The following ARHGEF7 variants were observed in gnomAD, a reference collection of about 807,000 sequenced individuals.
ARHGEF7 encodes Rho guanine nucleotide exchange factor 7.
In ARHGEF7, 33 loss-of-function variants were observed where a neutral mutation model predicts 109.8. That is an observed-to-expected ratio of 0.30 (90% confidence interval 0.23 to 0.40). The LOEUF (loss-of-function observed/expected upper bound fraction) is 0.40. Among genes scored for constraint, ARHGEF7 ranks in the 10% least tolerant of loss-of-function variants. ARHGEF7 has a pLI of 1.00. For synonymous variants in ARHGEF7, 458 were observed against 424.6 expected, an observed-to-expected ratio of 1.08 and a Z score of -0.97; for missense variants, 938 against 1,098.5, an observed-to-expected ratio of 0.85 and a Z score of 2.07.
At chr13:111,296,021 C>T (rs1040427977) in intron 19 of ARHGEF7, among the ~76,000 whole-genome samples, 2 of 152,178 alleles carry the variant, frequency 1.3e-5, no homozygotes, top group South Asian at 2.1e-4. Context: ...TGGACAGTTG[C>T]GCTGCGTTGC....
intron 19 of ARHGEF7, chr13:111,295,081 T>TGTATTGTACAGTATGCATA: frequency 1.0e-6 from 1 of 984,430 alleles, no homozygotes; most frequent in Non-Finnish European, 1.2e-6. Context: ...AATGTTGCAT[T>TGTATTGTACAGTATGCATA]GTATTGTACA....
chr13:111,291,468 G>A (rs2093281638), intron 18 of ARHGEF7, among the ~76,000 whole-genome samples: 1 of 152,256 alleles, frequency 6.6e-6, no homozygotes, highest in Admixed American at 6.5e-5. Context: ...CGCCCTGGGA[G>A]CAGGGGGTGG....
chr13:111,170,791 G>A (rs2077531887), intron 2 of ARHGEF7, among the ~76,000 whole-genome samples: 1 of 152,236 alleles, frequency 6.6e-6, no homozygotes, highest in African/African-American at 2.4e-5. Flanking sequence ...GCTGCTGTGT[G>A]TTTGAGGTAA....
chr13:111,234,845 A>G (rs1216260155), intron 6 of ARHGEF7, among the ~76,000 whole-genome samples: 1 of 151,778 alleles, frequency 6.6e-6, no homozygotes, highest in East Asian at 1.9e-4. Flanking sequence ...ACATTACCCG[A>G]GACACCTGCT....
chr13:111,223,664 A>G (rs2084779323), intron 5 of ARHGEF7, among the ~76,000 whole-genome samples: 1 of 152,188 alleles, frequency 6.6e-6, no homozygotes, highest in Admixed American at 6.5e-5. Context: ...TCTTGTTTGA[A>G]TAGTCCCTCT....
At chr13:111,198,488 C>G (rs1273559565) in intron 2 of ARHGEF7, among the ~76,000 whole-genome samples, 1 of 151,964 alleles carries the variant, frequency 6.6e-6, no homozygotes, top group African/African-American at 2.4e-5. Context: ...TCCAGAGTTT[C>G]TTCCTTCCGG....
At position 111,145,325 on chromosome 13, in the gene ARHGEF7, A is replaced by G. The variant is rs898731497; in HGVS notation, c.166-8580A>G. Among the ~76,000 whole-genome samples, 1 of 152,214 alleles carries G rather than the reference A, an allele frequency of 6.6e-6. No homozygotes were observed. Among genetic ancestry groups the G allele is most frequent in the African/African-American group, 2.4e-5 (1 of 41,458 alleles). On this transcript the variant is annotated intron_variant, in intron 1 of 21. Coordinates refer to ENST00000646102, the MANE Select transcript of ARHGEF7 (RefSeq NM_001354046.2). This position sits in a 1 kb window ranked among gnomAD's most constrained non-coding sequence, Gnocchi z 4.3. ...AAAACAGATAGATGGCACACTGAACAGAGGTGGTTTATGAGACGATTTATG... is the reference window on the plus strand; with the variant it reads ...AAAACAGATAGATGGCACACTGAACGGAGGTGGTTTATGAGACGATTTATG...
intron 9 of ARHGEF7, among the ~76,000 whole-genome samples, 194 bp downstream of exon 9, chr13:111,267,864 C>T (rs1228927349): frequency 6.6e-6 from 1 of 152,120 alleles, no homozygotes; most frequent in African/African-American, 2.4e-5. Context: ...TGTAAAAAGA[C>T]AAATCTTTTC....
intron 4 of ARHGEF7, 135 bp from the exon 5 acceptor site, chr13:111,217,544 A>C (rs2083287871): frequency 3.6e-6 from 3 of 827,052 alleles, no homozygotes; most frequent in Admixed American, 4.8e-5. Flanking sequence ...GGAAGGGAGG[A>C]AACTGAAATT....
intron 8 of ARHGEF7, among the ~76,000 whole-genome samples, chr13:111,246,808 TGG>T (rs2088933795): frequency 6.6e-6 from 1 of 152,208 alleles, no homozygotes; most frequent in Non-Finnish European, 1.5e-5. Context: ...TTTTTCTCAT[TGG>T]CTGTAGATAA....
chr13:111,184,235 T>C (rs924220864), intron 2 of ARHGEF7, among the ~76,000 whole-genome samples: 4 of 152,214 alleles, frequency 2.6e-5, no homozygotes, highest in African/African-American at 9.6e-5. Flanking sequence ...GTAAGTTCCC[T>C]GAGGCCTCCC....
At chr13:111,180,286 C>T (rs76919014) in intron 2 of ARHGEF7, among the ~76,000 whole-genome samples, 3,208 of 152,232 alleles carry the variant, frequency 0.021, 116 homozygotes, top group African/African-American at 0.074. Flanking sequence ...ACTTCCCTTA[C>T]GAGCTTTTCA....
At position 111,147,798 on chromosome 13, in the gene ARHGEF7, C is replaced by T. The variant is rs911499142; in HGVS notation, c.166-6107C>T. On this transcript the variant is annotated intron_variant, in intron 1 of 21. Coordinates refer to ENST00000646102, the MANE Select transcript of ARHGEF7 (RefSeq NM_001354046.2). ...CTGCAAGCTCCGCCTCCCGGGTTCA[C>T]GCCATTCTCCTGCCTCAGCCTCCCA... 9.6e-4 allele frequency among the ~76,000 whole-genome samples: 143 copies of T among 149,164 alleles called. 2 individuals are homozygous for T. In the East Asian group the frequency reaches 0.024, roughly 25 times the overall value.
At chr13:111,215,688 CTT>C (rs745378545) in intron 4 of ARHGEF7, among the ~76,000 whole-genome samples, 52 of 152,208 alleles carry the variant, frequency 3.4e-4, no homozygotes, top group Non-Finnish European at 7.1e-4. Context: ...CAGATCTAGT[CTT>C]TTGCGTATTT....
At chr13:111,264,974 C>T (rs2091464603) in intron 8 of ARHGEF7, among the ~76,000 whole-genome samples, 1 of 151,886 alleles carries the variant, frequency 6.6e-6, no homozygotes, top group Non-Finnish European at 1.5e-5. Flanking sequence ...GAAGGGAAGG[C>T]CCAGCTGGGC....
In ARHGEF7 at chr13:111,131,008, G is replaced by T. The variant is rs751704093; in HGVS notation, c.165+15317G>T. On this transcript the variant is annotated intron_variant, in intron 1 of 21. Transcript: ENST00000646102. The surrounding 1 kb of genome is among the most constrained non-coding windows in gnomAD (Gnocchi z 4.4). The stretch of plus-strand genomic sequence containing the variant: ...GACAGGCAGAGCCAGGCAGCACAGG[G>T]CTGGTGGGCCCTTAGTTTGCAAAGG... Among the ~76,000 whole-genome samples the T allele has an allele frequency of 3.9e-5, 6 of 152,238 alleles. No homozygotes were observed. Among genetic ancestry groups the T allele is most frequent in the Non-Finnish European group, 8.8e-5 (6 of 68,044 alleles).
At chr13:111,204,982 T>G (rs1447229066) in intron 2 of ARHGEF7, among the ~76,000 whole-genome samples, 2 of 151,384 alleles carry the variant, frequency 1.3e-5, no homozygotes, top group African/African-American at 4.9e-5. Flanking sequence ...GCTTGCTGAA[T>G]GCCAGCAGCC....
At chr13:111,250,617 T>A (rs530046247) in intron 8 of ARHGEF7, among the ~76,000 whole-genome samples, 1 of 152,250 alleles carries the variant, frequency 6.6e-6, no homozygotes, top group Admixed American at 6.5e-5. Context: ...GAGTTTCCAG[T>A]GGTTCAGTTC....
rs1242452834 is a variant in ARHGEF7 at position 111,167,957 on chromosome 13, GTAAAACT to G, written c.252+13967_252+13973del. Among the ~76,000 whole-genome samples the G allele has an allele frequency of 2.8e-3, 422 of 152,330 alleles. 2 individuals carry two copies. Among genetic ancestry groups the G allele is most frequent in the African/African-American group, 8.9e-3 (372 of 41,584 alleles). On this transcript the variant is annotated intron_variant, in intron 2 of 21. Coordinates refer to ENST00000646102, the MANE Select transcript of ARHGEF7 (RefSeq NM_001354046.2). ...CCCTTCCTCACAGGACACTTGAACA[GTAAAACT>G]GAACCTTCTTGCTGTGACAGTGTGG... is the stretch of plus-strand genomic sequence containing the variant.
Sources: gnomAD v4.1 joint callset for allele counts (sites outside exome capture counted in the v4.1 genomes callset) on GRCh38, gnomAD v4.1.1 for gene constraint, Gnocchi (gnomAD v3.1) non-coding constraint, MANE v1.5 for transcripts, NCBI Gene and HGNC (gene_info 2026-07-23, HGNC 2026-07-21) for gene names.